PRDM1: variants seen among roughly 807,000 people sequenced by gnomAD.
PRDM1 encodes PR/SET domain 1, also known as PR domain zinc finger protein 1.
PRDM1 carries 13 observed loss-of-function variants against 62.8 expected under a neutral mutation model. The ratio of observed to expected loss-of-function variants is 0.21; its 90% CI spans 0.13 to 0.33. PRDM1 has a LOEUF of 0.33. Ranked by LOEUF, PRDM1 falls within the 10% of genes least tolerant of loss-of-function variation. The pLI, the probability that PRDM1 is intolerant of heterozygous loss-of-function variation, is 1.00. For missense variants in PRDM1, 895 were observed against 1,058.8 expected (o/e 0.85, Z 2.15); for synonymous variants, 396 against 417.6 (o/e 0.95, Z 0.63).
At chr6:106,042,294 G>C (rs2114576217) in intron 1 of PRDM1, among the ~76,000 whole-genome samples, 1 of 151,198 alleles carries the variant, frequency 6.6e-6, no homozygotes, top group Non-Finnish European at 1.5e-5. Context: ...GTCGAGGCGG[G>C]CAGATCACCT....
intron 1 of PRDM1, among the ~76,000 whole-genome samples, chr6:106,080,110 T>C (rs1180637178): frequency 1.3e-5 from 2 of 152,154 alleles, no homozygotes; most frequent in East Asian, 1.9e-4. Context: ...CTTTGGGGTG[T>C]TGGGTGAGAA....
intron 1 of PRDM1, among the ~76,000 whole-genome samples, chr6:105,998,810 T>C (rs1240519850): frequency 6.6e-6 from 1 of 151,704 alleles, no homozygotes; most frequent in Non-Finnish European, 1.5e-5. Flanking sequence ...TCTGCCAGGC[T>C]GGTAATATCC....
At chr6:106,086,316 G>A (rs1350553909), upstream of PRDM1, 2 of 441,842 alleles carry the variant, frequency 4.5e-6, no homozygotes, top group Non-Finnish European at 8.1e-6. Flanking sequence ...TCTTAAGCAG[G>A]GAGGGGAAGC....
intron 1 of PRDM1, among the ~76,000 whole-genome samples, chr6:106,052,861 A>G (rs905603460): frequency 6.6e-6 from 1 of 152,008 alleles, no homozygotes; most frequent in Non-Finnish European, 1.5e-5. Context: ...CTAATTACTC[A>G]GGAGGCTGAG....
intron 1 of PRDM1, among the ~76,000 whole-genome samples, chr6:105,997,828 A>C (rs1400403614): frequency 2.6e-5 from 4 of 152,242 alleles, no homozygotes; most frequent in African/African-American, 9.6e-5. Context: ...TTTGGATGAG[A>C]GCTTCTAGAT....
intron 1 of PRDM1, among the ~76,000 whole-genome samples, chr6:106,031,663 G>T (rs1457416616): frequency 6.6e-6 from 1 of 152,208 alleles, no homozygotes; most frequent in East Asian, 1.9e-4. Flanking sequence ...AGGCAATGGG[G>T]ACAGTCCAGT....
At chr6:106,042,311 G>A (rs186039518) in intron 1 of PRDM1, among the ~76,000 whole-genome samples, 4,417 of 150,386 alleles carry the variant, frequency 0.029, 128 homozygotes, top group Non-Finnish European at 0.045. Flanking sequence ...ACCTGAGATC[G>A]GGAGTTTGAG....
At chr6:106,095,508 A>G (rs1296067595) in intron 2 of PRDM1, 107 bp from the exon 3 acceptor site, 1 of 1,285,862 alleles carries the variant, frequency 7.8e-7, no homozygotes, top group Non-Finnish European at 1.1e-6. Context: ...TCAAAATTTT[A>G]TCATTGTTAG....
intron 1 of PRDM1, among the ~76,000 whole-genome samples, chr6:106,008,417 G>A (rs1412635577): frequency 6.6e-6 from 1 of 152,082 alleles, no homozygotes; most frequent in African/African-American, 2.4e-5. Flanking sequence ...ACTCACACTT[G>A]TGGAAATCTT....
intron 2 of PRDM1, among the ~76,000 whole-genome samples, chr6:106,093,378 G>T (rs2114627338): frequency 6.6e-6 from 1 of 152,280 alleles, no homozygotes; most frequent in South Asian, 2.1e-4. Context: ...GACACCATCT[G>T]TAAGAGACTA....
intron 1 of PRDM1, among the ~76,000 whole-genome samples, chr6:106,006,173 T>A (rs1772479541): frequency 6.6e-6 from 1 of 152,206 alleles, no homozygotes; most frequent in Admixed American, 6.5e-5. Context: ...GAGGCAAACA[T>A]GCTGCGTGTA....
At chr6:106,070,603 T>C (rs1461693108) in intron 1 of PRDM1, among the ~76,000 whole-genome samples, 1 of 152,216 alleles carries the variant, frequency 6.6e-6, no homozygotes, top group African/African-American at 2.4e-5. Context: ...TATAAATCTC[T>C]AAGGCTCTTG....
intron 1 of PRDM1, among the ~76,000 whole-genome samples, chr6:105,996,232 G>A (rs1313281465): frequency 1.3e-5 from 2 of 151,878 alleles, no homozygotes; most frequent in African/African-American, 2.4e-5. Flanking sequence ...AATCTGAATC[G>A]GTGTTGTCAA....
chr6:106,023,697 A>G (rs1164128366), intron 1 of PRDM1, among the ~76,000 whole-genome samples: 1 of 152,100 alleles, frequency 6.6e-6, no homozygotes, highest in African/African-American at 2.4e-5. Context: ...ACGGGGCTGG[A>G]TACTGTTCGC....
chr6:106,012,735 C>T (rs1206021841), intron 1 of PRDM1, among the ~76,000 whole-genome samples: 1 of 152,232 alleles, frequency 6.6e-6, no homozygotes, highest in East Asian at 1.9e-4. Context: ...TCTAGAACAA[C>T]TTCAGAAAAC....
intron 1 of PRDM1, among the ~76,000 whole-genome samples, chr6:106,059,039 G>T (rs1159631806): frequency 6.6e-6 from 1 of 152,132 alleles, no homozygotes; most frequent in African/African-American, 2.4e-5. Context: ...GTACCTACAT[G>T]TATCAAGCAT....
intron 1 of PRDM1, among the ~76,000 whole-genome samples, chr6:106,079,614 A>G (rs995010151): frequency 6.6e-6 from 1 of 152,232 alleles, no homozygotes; most frequent in African/African-American, 2.4e-5. Flanking sequence ...CGTGGCCAAC[A>G]TGGTAAAACC....
Position 106,012,068 on chromosome 6 carries a change from T to TAC in PRDM1, c.-67+18441_-67+18442dup, listed in dbSNP as rs796256891. Among the ~76,000 whole-genome samples the TAC allele has an allele frequency of 1.4e-3, 119 of 86,854 alleles. 3 individuals carry two copies. Among genetic ancestry groups the TAC allele is most frequent in the African/African-American group, 5.4e-3 (118 of 21,818 alleles). 57.0% of individuals were successfully genotyped at this position (86,854 alleles called of 152,430 possible). ...ACCCCTCCACATTCACACACCACAC[T>TAC]ACACACACACACAAACATACCACAC... On this transcript the variant is annotated intron_variant, in intron 1 of 6. Coordinates refer to the PRDM1 transcript ENST00000652320.
intron 1 of PRDM1, among the ~76,000 whole-genome samples, chr6:106,036,379 T>G (rs932770653): frequency 6.6e-6 from 1 of 152,196 alleles, no homozygotes; most frequent in African/African-American, 2.4e-5. Flanking sequence ...ATTAGTTGAT[T>G]TTTTGTAGTG....
Sources: allele counts gnomAD v4.1 joint callset (sites outside exome capture counted in the v4.1 genomes callset), GRCh38; gene constraint gnomAD v4.1.1; transcripts MANE v1.5; gene names NCBI Gene and HGNC (gene_info 2026-07-23, HGNC 2026-07-21).